Variants in CRIM1 observed in about 807,000 individuals in gnomAD.
CRIM1 encodes cysteine rich transmembrane BMP regulator 1.
Under a neutral mutation model 116.4 loss-of-function variants are expected in CRIM1, and 32 were observed. That is an observed-to-expected ratio of 0.27 (90% CI 0.21 to 0.37). The LOEUF is 0.37. CRIM1 is among the 10% of genes least tolerant of loss of function. The pLI, the probability that CRIM1 is intolerant of heterozygous loss-of-function variation, is 1.00. For synonymous variants in CRIM1, 590 were observed against 509.2 expected, an observed-to-expected ratio of 1.16 and a Z score of -2.13; for missense variants, 1,331 against 1,354.8, an observed-to-expected ratio of 0.98 and a Z score of 0.28.
chr2:36,501,423 A>G (rs1341729588), intron 8 of CRIM1, among the ~76,000 whole-genome samples: 2 of 152,206 alleles, frequency 1.3e-5, no homozygotes, highest in African/African-American at 2.4e-5. Flanking sequence ...AACTGAGTTT[A>G]TAAAACGCCT....
intron 5 of CRIM1, among the ~76,000 whole-genome samples, chr2:36,471,726 A>AACACAC (rs59120248): frequency 0.018 from 1,451 of 78,916 alleles, 18 homozygotes; most frequent in African/African-American, 0.05. Flanking sequence ...GATTAGCTTA[A>AACACAC]ACACACACAC....
chr2:36,547,054 C>G lies in CRIM1; in HGVS notation c.2817C>G (p.Ser939=). The G allele has an allele frequency of 6.2e-7, 1 of 1,612,126 alleles. No individual in the cohort carries two copies. The highest frequency in any genetic ancestry group is 1.1e-5 in the South Asian group (1 of 91,036). ...CAAGTGAAGATTCTTCACTGGACTC[C>G]ATTGCCTCAGTTGTGGTTCCCATAA... is the stretch of plus-strand genomic sequence containing the variant. ...LHPSEDSSLD[S]IASVVVPIII... The change falls in exon 16 of 17, where the codon TCC becomes TCG. Residue 939 remains serine (S), a synonymous_variant. Transcript: ENST00000280527.
At chr2:36,479,191 C>T (rs1679213945) in intron 6 of CRIM1, among the ~76,000 whole-genome samples, 1 of 152,218 alleles carries the variant, frequency 6.6e-6, no homozygotes, top group African/African-American at 2.4e-5. Flanking sequence ...TTTCTAATTA[C>T]CAACCCACAG....
At chr2:36,544,893 T>A (rs1667210679) in intron 15 of CRIM1, among the ~76,000 whole-genome samples, 2 of 152,216 alleles carry the variant, frequency 1.3e-5, no homozygotes, top group African/African-American at 4.8e-5. Flanking sequence ...CACTGAGCAT[T>A]TGTACATTAG....
Position 36,547,129 on chromosome 2 carries a change from A to G in CRIM1, c.2892A>G (p.Lys964=), listed in dbSNP as rs148618747. 80 of 1,613,354 alleles carry G rather than the reference A, an allele frequency of 5.0e-5. 2 individuals are homozygous for G. The South Asian group carries it at 8.5e-4, about 17-fold the overall frequency. Residue 964 remains lysine (K), a synonymous_variant, in exon 16 of 17, where the codon AAA becomes AAG. Transcript: ENST00000280527. The stretch of plus-strand genomic sequence containing the variant: ...CATTCCTATTCATCAATCAGAAGAA[A>G]CAGTGGATACCACTGCTTTGCTGGT... ...IIAFLFINQK[K]QWIPLLCWYR... is the part of the protein sequence containing the mutation.
At chr2:36,501,259 A>G in intron 8 of CRIM1, among the ~76,000 whole-genome samples, 1 of 152,188 alleles carries the variant, frequency 6.6e-6, no homozygotes, top group East Asian at 1.9e-4. Flanking sequence ...TTTCTGATTT[A>G]TCAGTTATCT....
chr2:36,374,006 G>A lies in CRIM1; in HGVS notation c.331+17383G>A, dbSNP rs536671068. 1.3e-4 allele frequency among the ~76,000 whole-genome samples: 20 copies of A among 152,312 alleles called. No homozygotes were observed. In the South Asian group the frequency reaches 4.1e-3, roughly 32 times the overall value. On this transcript the variant is annotated intron_variant, in intron 1 of 16. Coordinates refer to ENST00000280527, the MANE Select transcript of CRIM1 (RefSeq NM_016441.3). ...CTGTCTCCTAAGTGGCTTACATAAA[G>A]CCGTGGGCGTCTTTTCCTGTGTCTC...
At chr2:36,361,177 G>T (rs762601886) in intron 1 of CRIM1, among the ~76,000 whole-genome samples, 7 of 152,112 alleles carry the variant, frequency 4.6e-5, no homozygotes, top group Non-Finnish European at 1.0e-4. Flanking sequence ...TAAAACACTT[G>T]GCAAAGGGCA....
chr2:36,476,399 A>G (rs75230764), intron 5 of CRIM1, among the ~76,000 whole-genome samples: 2,062 of 152,338 alleles, frequency 0.014, 51 homozygotes, highest in African/African-American at 0.048. Context: ...TATTAAAATT[A>G]TACGTGTTTA....
At chr2:36,459,731 G>A (rs762485348) in intron 4 of CRIM1, among the ~76,000 whole-genome samples, 10 of 152,136 alleles carry the variant, frequency 6.6e-5, no homozygotes, top group Non-Finnish European at 1.3e-4. Context: ...GGGTGGACAT[G>A]AGCTGTGGCT....
intron 4 of CRIM1, among the ~76,000 whole-genome samples, chr2:36,443,399 C>G (rs1189995494): frequency 6.6e-6 from 1 of 152,162 alleles, no homozygotes; most frequent in Non-Finnish European, 1.5e-5. Context: ...CTCCTTCGTA[C>G]TTGGCTTTGG....
At chr2:36,464,838 A>G (rs1677878848) in intron 5 of CRIM1, among the ~76,000 whole-genome samples, 183 bp downstream of exon 5, 1 of 152,210 alleles carries the variant, frequency 6.6e-6, no homozygotes, top group Admixed American at 6.5e-5. Flanking sequence ...GTTAGGAACT[A>G]TCATTCCACC....
chr2:36,432,887 C>A (rs1227476514), intron 2 of CRIM1, among the ~76,000 whole-genome samples: 1 of 151,944 alleles, frequency 6.6e-6, no homozygotes, highest in African/African-American at 2.4e-5. Flanking sequence ...GATTTTTAAT[C>A]TTCTCCTAGG....
chr2:36,470,928 T>C (rs1678456968), intron 5 of CRIM1, among the ~76,000 whole-genome samples: 1 of 152,096 alleles, frequency 6.6e-6, no homozygotes. Flanking sequence ...CAGGGGAAGG[T>C]GTCAGAATAT....
At chr2:36,475,013 T>G (rs79044751) in intron 5 of CRIM1, among the ~76,000 whole-genome samples, 2,117 of 152,310 alleles carry the variant, frequency 0.014, 52 homozygotes, top group African/African-American at 0.049. Flanking sequence ...TTGTATTATG[T>G]TTTGAAATTA....
At chr2:36,367,176 G>A (rs3770956) in intron 1 of CRIM1, among the ~76,000 whole-genome samples, 2 of 152,162 alleles carry the variant, frequency 1.3e-5, no homozygotes, top group Non-Finnish European at 2.9e-5. Context: ...TGGGTATACT[G>A]TGTGCTTTTC....
chr2:36,454,903 C>T (rs1254952376), intron 4 of CRIM1, among the ~76,000 whole-genome samples: 1 of 151,982 alleles, frequency 6.6e-6, no homozygotes, highest in East Asian at 1.9e-4. Context: ...GTTTGGGAGA[C>T]AGATACAGAA....
At chr2:36,393,104 C>T (rs1671741407) in intron 1 of CRIM1, among the ~76,000 whole-genome samples, 1 of 152,122 alleles carries the variant, frequency 6.6e-6, no homozygotes, top group African/African-American at 2.4e-5. Flanking sequence ...AAGCATCTGG[C>T]AGTGAAAACC....
chr2:36,492,256 G>C (rs1572860933), intron 7 of CRIM1, among the ~76,000 whole-genome samples: 1 of 152,226 alleles, frequency 6.6e-6, no homozygotes, highest in Non-Finnish European at 1.5e-5. Flanking sequence ...AAAATAAACT[G>C]CTCTGAGATA....
Sources: gnomAD v4.1 joint callset for allele counts (sites outside exome capture counted in the v4.1 genomes callset) on GRCh38, gnomAD v4.1.1 for gene constraint, MANE v1.5 for transcripts, NCBI Gene and HGNC (gene_info 2026-07-23, HGNC 2026-07-21) for gene names.